TTC7B: variants seen among roughly 807,000 people sequenced by gnomAD.
The protein encoded by TTC7B is tetratricopeptide repeat protein 7B.
In TTC7B, 28 loss-of-function variants were observed where a neutral mutation model predicts 106.8. That is an observed-to-expected ratio of 0.26 (90% CI 0.19 to 0.36). The LOEUF is 0.36. TTC7B is among the 10% of genes least tolerant of loss of function. TTC7B has a pLI of 1.00. For synonymous variants in TTC7B, 405 were observed against 430.6 expected, an observed-to-expected ratio of 0.94 and a Z score of 0.74; for missense variants, 862 against 1,076.4, an observed-to-expected ratio of 0.80 and a Z score of 2.79.
In TTC7B at chr14:90,657,085, G is replaced by C. The variant is rs933546750; in HGVS notation, c.1341+89C>G. On this transcript the variant is annotated intron_variant, in intron 11 of 19. Coordinates refer to ENST00000328459, the MANE Select transcript of TTC7B (RefSeq NM_001010854.2). The surrounding 1 kb of genome is among the most constrained non-coding windows in gnomAD (Gnocchi z 4.2). ...TTTGTACAGCTGATGAATCACCCTC[G>C]CTTTCTCTCTGTGCCTCGACATGAA... The C allele has an allele frequency of 1.4e-5, 16 of 1,124,982 alleles. 1 individual carries two copies. Among genetic ancestry groups the C allele is most frequent in the Non-Finnish European group, 1.7e-5 (13 of 768,238 alleles). 69.7% of individuals were successfully genotyped at this position (1,124,982 alleles called of 1,614,324 possible). A position where few individuals can be genotyped will look rare whatever the true frequency, so the allele number is the denominator to read the frequency against.
intron 18 of TTC7B, among the ~76,000 whole-genome samples, chr14:90,588,045 G>A (rs1047785648): frequency 8.5e-5 from 13 of 152,188 alleles, no homozygotes; most frequent in Non-Finnish European, 1.3e-4. Context: ...TTAGCTGGAC[G>A]GGCTTGACCC....
intron 9 of TTC7B, among the ~76,000 whole-genome samples, chr14:90,671,907 C>T (rs776379219): frequency 5.3e-5 from 8 of 152,216 alleles, no homozygotes; most frequent in Non-Finnish European, 1.0e-4. Context: ...GGCCAGCTTC[C>T]TTGAGAAAGA....
intron 16 of TTC7B, 89 bp downstream of exon 16, chr14:90,617,840 T>C: frequency 1.0e-6 from 1 of 1,003,532 alleles, no homozygotes; most frequent in East Asian, 2.4e-5. Context: ...GTGACAGAGT[T>C]AATGCCTGCT....
chr14:90,775,043 C>CAA (rs35706904), intron 3 of TTC7B, among the ~76,000 whole-genome samples: 1 of 139,098 alleles, frequency 7.2e-6, no homozygotes, highest in Non-Finnish European at 1.5e-5. Context: ...AATTCTGTCT[C>CAA]AAAAAAAAAA....
At chr14:90,643,285 GT>G (rs1304351189) in intron 15 of TTC7B, among the ~76,000 whole-genome samples, 1 of 152,004 alleles carries the variant, frequency 6.6e-6, no homozygotes, top group East Asian at 1.9e-4. Flanking sequence ...GCAGGCGCCT[GT>G]AGTCCCAGCT....
intron 15 of TTC7B, among the ~76,000 whole-genome samples, chr14:90,640,149 C>T (rs1011649324): frequency 6.6e-6 from 1 of 152,038 alleles, no homozygotes; most frequent in East Asian, 1.9e-4. Context: ...TATGGTGGCA[C>T]ACGCCTGTGC....
At chr14:90,576,205 A>G (rs1254522318) in intron 19 of TTC7B, among the ~76,000 whole-genome samples, 1 of 152,172 alleles carries the variant, frequency 6.6e-6, no homozygotes, top group Non-Finnish European at 1.5e-5. Context: ...AGATGGAAAC[A>G]TGCAGCCTCT....
At chr14:90,782,551 A>T (rs1208558563) in intron 2 of TTC7B, among the ~76,000 whole-genome samples, 2 of 152,124 alleles carry the variant, frequency 1.3e-5, no homozygotes, top group Non-Finnish European at 2.9e-5. Context: ...GTGAGCCAAG[A>T]TCACGCCATT....
chr14:90,617,367 T>C (rs1313073217), intron 16 of TTC7B, among the ~76,000 whole-genome samples: 2 of 152,228 alleles, frequency 1.3e-5, no homozygotes, highest in African/African-American at 4.8e-5. Flanking sequence ...CAAACTCTTC[T>C]GTGAATAGGT....
rs548224666 is a variant in TTC7B, at chr14:90,799,131, C to G, written c.122-12803G>C. Among the ~76,000 whole-genome samples, 8 of 152,270 alleles carry G rather than the reference C, an allele frequency of 5.3e-5. No homozygotes were observed. In the East Asian group the frequency reaches 1.5e-3, roughly 29 times the overall value. On this transcript the variant is annotated intron_variant, in intron 1 of 19. Coordinates refer to ENST00000328459, the MANE Select transcript of TTC7B (RefSeq NM_001010854.2). The stretch of plus-strand genomic sequence containing the variant: ...GCCTCCAGCCTCACGCACCCGTGCT[C>G]CAGGTCCTCAGCATCTTTCCAAGGC...
At chr14:90,697,085 G>A (rs1887782945) in intron 5 of TTC7B, among the ~76,000 whole-genome samples, 1 of 152,210 alleles carries the variant, frequency 6.6e-6, no homozygotes, top group Admixed American at 6.5e-5. Flanking sequence ...GGGTACAGAA[G>A]GGATGGTACT....
intron 2 of TTC7B, among the ~76,000 whole-genome samples, chr14:90,781,702 C>T (rs1891225338): frequency 6.6e-6 from 1 of 152,248 alleles, no homozygotes; most frequent in East Asian, 1.9e-4. Context: ...TCAGGACTTG[C>T]TTGCTTTCCA....
At chr14:90,592,670 C>T (rs868421528) in intron 18 of TTC7B, among the ~76,000 whole-genome samples, 6 of 151,418 alleles carry the variant, frequency 4.0e-5, no homozygotes, top group Middle Eastern at 3.4e-3. Flanking sequence ...GATTGCACCA[C>T]TGCACTCCAG....
chr14:90,650,488 G>A (rs1165186653), intron 13 of TTC7B, among the ~76,000 whole-genome samples: 1 of 152,050 alleles, frequency 6.6e-6, no homozygotes, highest in East Asian at 1.9e-4. Flanking sequence ...TCAAGAGATT[G>A]GGATGGCTGA....
chr14:90,590,688 C>G (rs1407773415), intron 18 of TTC7B, among the ~76,000 whole-genome samples: 1 of 152,184 alleles, frequency 6.6e-6, no homozygotes, highest in Admixed American at 6.5e-5. Flanking sequence ...AAGGTAAAAT[C>G]TGGCAGTGCA....
chr14:90,804,515 G>T (rs1227138866), intron 1 of TTC7B, among the ~76,000 whole-genome samples: 1 of 152,212 alleles, frequency 6.6e-6, no homozygotes, highest in African/African-American at 2.4e-5. Flanking sequence ...AGTGTGGCAG[G>T]AGTTTCCCAG....
At chr14:90,683,206 G>T (rs1184783617) in intron 7 of TTC7B, among the ~76,000 whole-genome samples, 1 of 152,188 alleles carries the variant, frequency 6.6e-6, no homozygotes, top group Non-Finnish European at 1.5e-5. Flanking sequence ...CTATTTAGGT[G>T]CAGGGAGGGC....
chr14:90,786,247 GGA>G lies in TTC7B; in HGVS notation c.201_202del (p.Gly70ProfsTer7). 1 of 1,611,026 alleles carries G rather than the reference GGA, an allele frequency of 6.2e-7. No individual in the cohort carries two copies. The highest frequency in any genetic ancestry group is 8.5e-7 in the Non-Finnish European group (1 of 1,178,680). On this transcript the variant is annotated frameshift_variant, in exon 2 of 20. Coordinates refer to ENST00000328459, the MANE Select transcript of TTC7B (RefSeq NM_001010854.2). LOFTEE classifies it high-confidence loss of function. ...AGTCAGCTGGGGCTTGGGGCCTCGG[GGA>G]CTGGCCCCCTGCCTCAGGGGGTGTT...
intron 1 of TTC7B, among the ~76,000 whole-genome samples, chr14:90,815,796 T>G (rs977969595): frequency 1.3e-5 from 2 of 151,916 alleles, no homozygotes; most frequent in South Asian, 2.1e-4. Flanking sequence ...ACTTCACCCA[T>G]GTCCTGAGGG....
Sources: gnomAD v4.1 joint callset for allele counts (sites outside exome capture counted in the v4.1 genomes callset) on GRCh38, gnomAD v4.1.1 for gene constraint, Gnocchi (gnomAD v3.1) non-coding constraint, MANE v1.5 for transcripts, NCBI Gene and HGNC (gene_info 2026-07-23, HGNC 2026-07-21) for gene names.